ZNF681: variants seen among roughly 807,000 people sequenced by gnomAD.
The protein encoded by ZNF681 is zinc finger protein 681.
Under a neutral mutation model 56.0 loss-of-function variants are expected in ZNF681, and 37 were observed. The observed-to-expected ratio is 0.66, with a 90% CI of 0.51 to 0.87. The LOEUF is 0.87. Ranked by LOEUF, ZNF681 falls within the 40% of genes least tolerant of loss-of-function variation. The pLI is 0.00. For missense variants in ZNF681, 741 were observed against 744.9 expected (o/e 0.99, Z 0.06); for synonymous variants, 225 against 248.6 (o/e 0.91, Z 0.89).
Position 23,758,869 on chromosome 19 carries a change from G to A in ZNF681, c.-120C>T. On this transcript the variant is annotated 5_prime_UTR_variant, in exon 1 of 4. Coordinates refer to ENST00000402377, the MANE Select transcript of ZNF681 (RefSeq NM_138286.3). ...CACAGAGCAGTGAAGACGAGACCCG[G>A]AGCTCGGGCTGAAGGGAGAGACAAA... 7.1e-7 allele frequency: 1 copy of A among 1,415,084 alleles called. No individual in the cohort carries two copies. Among genetic ancestry groups the A allele is most frequent in the South Asian group, 1.3e-5 (1 of 79,508 alleles). 87.7% of individuals were successfully genotyped at this position (1,415,084 alleles called of 1,614,324 possible). A position where few individuals can be genotyped will look rare whatever the true frequency, so the allele number is the denominator to read the frequency against.
At chr19:23,751,225 CCAG>C (rs1969025123) in intron 3 of ZNF681, among the ~76,000 whole-genome samples, 1 of 151,608 alleles carries the variant, frequency 6.6e-6, no homozygotes, top group South Asian at 2.1e-4. Flanking sequence ...ACATGTAATC[CCAG>C]CACTTTGGGT....
At position 23,744,304 on chromosome 19, in the gene ZNF681, G is replaced by C. The variant is rs1180429151; in HGVS notation, c.1246C>G (p.His416Asp). Residue 416 changes from histidine to aspartate, a missense_variant, in exon 4 of 4, where the codon CAT becomes GAT. Coordinates refer to ENST00000402377, the MANE Select transcript of ZNF681 (RefSeq NM_138286.3). The part of the protein sequence containing the change: ...SSHLTRHKSI[H>D]TGEKPYQCEK... ...CACTGGTAGGGTTTTTCTCCAGTAT[G>C]AATGCTCTTATGTCTAGTAAGGTGT... The C allele has an allele frequency of 6.2e-7, 1 of 1,613,706 alleles. No individual in the cohort carries two copies. Among genetic ancestry groups the C allele is most frequent in the African/African-American group, 1.3e-5 (1 of 74,926 alleles).
At chr19:23,750,735 G>A (rs189407629) in intron 3 of ZNF681, among the ~76,000 whole-genome samples, 152 of 151,600 alleles carry the variant, frequency 1.0e-3, no homozygotes, top group African/African-American at 3.5e-3. Context: ...CCAGCTACTC[G>A]GGAGGCTGAA....
chr19:23,748,242 T>C (rs6511511), intron 3 of ZNF681, among the ~76,000 whole-genome samples: 134,458 of 152,078 alleles, frequency 0.88, 59,673 homozygotes, highest in Admixed American at 0.92. Context: ...TAAGAGTTAA[T>C]TGCAGGGAGC....
rs112856587 is a variant in ZNF681 at position 23,744,542 on chromosome 19, T to G, written c.1008A>C (p.Lys336Asn). The change falls in exon 4 of 4, where the codon AAA becomes AAC. Residue 336 changes from lysine (K) to asparagine (N), a missense_variant. Transcript: ENST00000402377. ...TGCCACATTCTTCACATTTGTAGGG[T>G]TTCTCTCCAGTATGAATTATCTTAT... ...TRHKIIHTGEKPYKCEECGKA... is the reference protein window; with the variant it reads ...TRHKIIHTGENPYKCEECGKA... 1 of 1,611,068 alleles carries G rather than the reference T, an allele frequency of 6.2e-7. No individual in the cohort carries two copies. The highest frequency in any genetic ancestry group is 1.3e-5 in the African/African-American group (1 of 74,846).
rs769080603 is a variant in ZNF681, at chr19:23,743,665, T to C, written c.1885A>G (p.Asn629Asp). ...KPKRCNSDFENTSKFSKHKRN... is the reference protein window; with the variant it reads ...KPKRCNSDFEDTSKFSKHKRN... Reference sequence around the variant, plus strand: ...TTATGTTTAGAAAACTTTGAAGTGTTTTCAAAATCACTGTTACATCTTTTA... The same window carrying C: ...TTATGTTTAGAAAACTTTGAAGTGTCTTCAAAATCACTGTTACATCTTTTA... Residue 629 changes from asparagine to aspartate, a missense_variant, in exon 4 of 4, where the codon AAC (asparagine) becomes GAC (aspartate). Physicochemically the swap from Asn to Asp is conservative, Grantham distance 23 (BLOSUM62 1). Transcript: ENST00000402377. The C allele has an allele frequency of 1.3e-5, 21 of 1,567,336 alleles. No individual in the cohort carries two copies. The highest frequency in any genetic ancestry group is 6.1e-5 in the Admixed American group (3 of 49,536).
chr19:23,745,546 A>G (rs538102543), intron 3 of ZNF681, among the ~76,000 whole-genome samples: 1 of 150,078 alleles, frequency 6.7e-6, no homozygotes, highest in African/African-American at 2.5e-5. Context: ...GCTACCTCCC[A>G]GGTTCAAGCA....
chr19:23,756,878 AT>A (rs775846509), intron 1 of ZNF681, among the ~76,000 whole-genome samples: 4 of 149,906 alleles, frequency 2.7e-5, no homozygotes, highest in South Asian at 4.2e-4. Flanking sequence ...ACAAAAATTT[AT>A]TTTTTTTTTG....
intron 3 of ZNF681, among the ~76,000 whole-genome samples, chr19:23,749,810 C>CA (rs11396967): frequency 0.98 from 148,417 of 151,758 alleles, 72,668 homozygotes; most frequent in Middle Eastern, 1. Flanking sequence ...TAATTTTTCT[C>CA]AAAAAAAATC....
At chr19:23,756,064 A>G (rs1969112474) in intron 1 of ZNF681, among the ~76,000 whole-genome samples, 1 of 152,018 alleles carries the variant, frequency 6.6e-6, no homozygotes, top group Admixed American at 6.6e-5. Context: ...CAGTGGCTCA[A>G]CCTGTAATCC....
chr19:23,754,337 G>A (rs772606493), intron 3 of ZNF681, among the ~76,000 whole-genome samples: 12 of 152,214 alleles, frequency 7.9e-5, no homozygotes, highest in South Asian at 2.1e-4. Flanking sequence ...ACTTAAAAGC[G>A]TAAGACAGAA....
Position 23,744,044 on chromosome 19 carries a change from T to C in ZNF681, c.1506A>G (p.Gly502=), listed in dbSNP as rs1412109822. 1.9e-6 allele frequency: 3 copies of C among 1,613,036 alleles called. No homozygotes were observed. The highest frequency in any genetic ancestry group is 1.7e-5 in the Admixed American group (1 of 59,976). The change falls in exon 4 of 4, where the codon GGA becomes GGG. Residue 502 remains glycine, a synonymous_variant. Transcript: ENST00000402377. ...ATTCTTCACATTTGTAGGATTTCTC[T>C]CCAGTATGAATTCTCTTATGTGTAG... The part of the protein sequence containing the change: ...ILTTHKRIHT[G]EKSYKCEECG...
At position 23,753,506 on chromosome 19, in the gene ZNF681, G is replaced by A. The variant is rs547564473; in HGVS notation, c.226+1317C>T. Among the ~76,000 whole-genome samples the A allele has an allele frequency of 9.8e-5, 15 of 152,416 alleles. No individual in the cohort carries two copies. The South Asian group carries it at 3.1e-3, about 32-fold the overall frequency. On this transcript the variant is annotated intron_variant, in intron 3 of 3. Transcript: ENST00000402377. ...AAAGATATATCAATGAGAGAAATTA[G>A]AAAAGACACAAATAAATTTAAAAAT...
chr19:23,743,794 C>T lies in ZNF681; in HGVS notation c.1756G>A (p.Gly586Arg). 1 of 1,613,508 alleles carries T rather than the reference C, an allele frequency of 6.2e-7. No homozygotes were observed. The highest frequency in any genetic ancestry group is 1.1e-5 in the South Asian group (1 of 91,042). ...HLTRHKRIHT[G>R]EKPYQCEKCG... ...TTTTCACATTGGTAGGGTTTCTCTC[C>T]AGTATGAATTCTCTTATGTCTAGTA... The change falls in exon 4 of 4, where the codon GGA (glycine) becomes AGA (arginine). Residue 586 changes from glycine to arginine, a missense_variant. Transcript: ENST00000402377.
chr19:23,744,943 A>G lies in ZNF681; in HGVS notation c.607T>C (p.Cys203Arg), dbSNP rs749628143. ...GAGGATCCATTAAAGGCTTTTCCAC[A>G]GTCTTCACATTTGTAGAAATTTACT... Reference protein sequence around the residue: ...TRVNFYKCEDCGKAFNGSSIF... With the variant: ...TRVNFYKCEDRGKAFNGSSIF... Residue 203 changes from cysteine (C) to arginine (R), a missense_variant, in exon 4 of 4, where the codon TGT becomes CGT. Physicochemically the swap from Cys to Arg is radical, Grantham distance 180. Coordinates refer to ENST00000402377, the MANE Select transcript of ZNF681 (RefSeq NM_138286.3). The G allele has an allele frequency of 3.2e-6, 5 of 1,571,382 alleles. No individual in the cohort carries two copies. In the African/African-American group the frequency reaches 6.8e-5, roughly 21 times the overall value.
At chr19:23,746,774 A>G (rs556169864) in intron 3 of ZNF681, among the ~76,000 whole-genome samples, 22 of 152,306 alleles carry the variant, frequency 1.4e-4, no homozygotes, top group African/African-American at 5.3e-4. Flanking sequence ...AAAACACACA[A>G]TATTCTTATT....
chr19:23,750,812 G>A (rs1969016432), intron 3 of ZNF681, among the ~76,000 whole-genome samples: 1 of 119,046 alleles, frequency 8.4e-6, no homozygotes, highest in African/African-American at 3.3e-5. Context: ...GCAGCAAAGT[G>A]AGACCGCATC....
Position 23,740,622 on chromosome 19 carries a change from ACATCCT to A in ZNF681, c.*2984_*2989del, listed in dbSNP as rs1968864304. 6.6e-6 allele frequency: 1 copy of A among 151,888 alleles called. No homozygotes were observed. Among genetic ancestry groups the A allele is most frequent in the Non-Finnish European group, 1.5e-5 (1 of 67,968 alleles). 9.4% of individuals were successfully genotyped at this position (151,888 alleles called of 1,614,324 possible). On this transcript the variant is annotated 3_prime_UTR_variant, in exon 4 of 4. Coordinates refer to ENST00000402377, the MANE Select transcript of ZNF681 (RefSeq NM_138286.3). ...TTGTTTGCTATATTTATATATAAAAACATCCTCATGATTTAGGAAGCCCCCCTAGTA... is the reference window on the plus strand; with the variant it reads ...TTGTTTGCTATATTTATATATAAAAACATGATTTAGGAAGCCCCCCTAGTA...
At chr19:23,745,757 C>A (rs1481090756) in intron 3 of ZNF681, among the ~76,000 whole-genome samples, 2 of 151,968 alleles carry the variant, frequency 1.3e-5, no homozygotes, top group Admixed American at 1.3e-4. Flanking sequence ...GGCCCAAAGG[C>A]CCTAATTTCT....
Sources: gnomAD v4.1 joint callset for allele counts (sites outside exome capture counted in the v4.1 genomes callset) on GRCh38, gnomAD v4.1.1 for gene constraint, MANE v1.5 for transcripts, NCBI Gene and HGNC (gene_info 2026-07-23, HGNC 2026-07-21) for gene names.